Variants in KANSL3 observed in about 807,000 individuals in gnomAD.
KANSL3 encodes NSL complex protein NSL3.
KANSL3 carries 16 observed loss-of-function variants against 89.2 expected under a neutral mutation model. The ratio of observed to expected loss-of-function variants is 0.18; its 90% CI spans 0.12 to 0.27. KANSL3 has a LOEUF of 0.27. Among genes scored for constraint, KANSL3 ranks in the 10% least tolerant of loss-of-function variants. The pLI is 1.00. For synonymous variants in KANSL3, 385 were observed against 419.7 expected (o/e 0.92, Z 1.01); for missense variants, 879 against 1,110.6 (o/e 0.79, Z 2.96).
chr2:96,628,655 CA>C (rs1050693772), intron 3 of KANSL3: 2 of 147,240 alleles, frequency 1.4e-5, no homozygotes, highest in African/African-American at 2.5e-5. Context: ...GACCCTGTCT[CA>C]AAAAAAAGAA....
chr2:96,619,968 C>G (rs1192156701), intron 3 of KANSL3, among the ~76,000 whole-genome samples: 3 of 152,188 alleles, frequency 2.0e-5, no homozygotes, highest in African/African-American at 7.2e-5. Flanking sequence ...TCACAGCACA[C>G]ACTTGTATTA....
intron 5 of KANSL3, among the ~76,000 whole-genome samples, chr2:96,617,574 G>T (rs1306182394): frequency 6.8e-6 from 1 of 147,798 alleles, no homozygotes; most frequent in South Asian, 2.1e-4. Flanking sequence ...AAAAAAAAAA[G>T]TGTCAAAAAC....
intron 12 of KANSL3, 88 bp downstream of exon 12, chr2:96,609,411 C>T (rs2068516523): frequency 1.6e-6 from 2 of 1,216,002 alleles, no homozygotes; most frequent in Non-Finnish European, 2.4e-6. Flanking sequence ...GGCCTTAGAG[C>T]CAAAGAGACC....
intron 20 of KANSL3, chr2:96,599,751 TAA>T (rs1443996192): frequency 2.1e-6 from 1 of 487,058 alleles, no homozygotes; most frequent in Admixed American, 6.4e-5. Context: ...AAACATTTCA[TAA>T]AAGACATAAA....
chr2:96,630,021 G>A (rs1035453208), intron 3 of KANSL3, among the ~76,000 whole-genome samples: 3 of 152,134 alleles, frequency 2.0e-5, no homozygotes, highest in South Asian at 2.1e-4. Flanking sequence ...AAGAAAATCA[G>A]TAAGTGTTGG....
In KANSL3 at chr2:96,595,582, T is replaced by C; in HGVS notation, c.*29A>G. ...CACCATGAGGCAGCCATCACCAACT[T>C]GGTAAGGAGGACATATCACACAGCA... is the stretch of plus-strand genomic sequence containing the variant. On this transcript the variant is annotated 3_prime_UTR_variant, in exon 21 of 21. Coordinates refer to ENST00000431828, the MANE Select transcript of KANSL3 (RefSeq NM_001115016.3). 6.2e-7 allele frequency: 1 copy of C among 1,613,226 alleles called. No homozygotes were observed. The highest frequency in any genetic ancestry group is 8.5e-7 in the Non-Finnish European group (1 of 1,179,578).
At chr2:96,603,908 G>A (rs1012475154) in intron 17 of KANSL3, 6 of 180,248 alleles carry the variant, frequency 3.3e-5, no homozygotes, top group African/African-American at 1.4e-4. Context: ...CATGGATTTT[G>A]GTAGTGGTGA....
intron 5 of KANSL3, among the ~76,000 whole-genome samples, chr2:96,615,864 A>G (rs1274836862): frequency 6.6e-6 from 1 of 152,224 alleles, no homozygotes; most frequent in Admixed American, 6.5e-5. Flanking sequence ...CACACAAATA[A>G]TGGTGGGGGA....
rs1314871310 is a variant in KANSL3 at position 96,601,776 on chromosome 2, C to A, written c.2483G>T (p.Gly828Val). 1.3e-6 allele frequency: 2 copies of A among 1,559,962 alleles called. No individual in the cohort carries two copies. Among genetic ancestry groups the A allele is most frequent in the Non-Finnish European group, 1.7e-6 (2 of 1,154,898 alleles). The change falls in exon 20 of 21, where the codon GGC (glycine) becomes GTC (valine). Residue 828 changes from glycine (G) to valine (V), a missense_variant and splice_region_variant. Coordinates refer to ENST00000431828, the MANE Select transcript of KANSL3 (RefSeq NM_001115016.3). ...GLAQISNQAS[G>V]LKVPTTITLT... is the part of the protein sequence containing the mutation. ...AGTAATGGTGGTGGGGACCTTCAAGCCTGAGATAAAGAGAGAGAAGCAGAA... is the reference window on the plus strand; with the variant it reads ...AGTAATGGTGGTGGGGACCTTCAAGACTGAGATAAAGAGAGAGAAGCAGAA...
At chr2:96,636,091 C>T (rs2074207538) in intron 2 of KANSL3, among the ~76,000 whole-genome samples, 1 of 151,670 alleles carries the variant, frequency 6.6e-6, no homozygotes. Flanking sequence ...GAAGCCTCTA[C>T]AAGGGCTCTA....
intron 2 of KANSL3, among the ~76,000 whole-genome samples, chr2:96,631,853 C>A (rs1232031076): frequency 2.0e-5 from 3 of 151,934 alleles, no homozygotes; most frequent in Non-Finnish European, 4.4e-5. Context: ...TCAAGACCAG[C>A]CTGGGCAACA....
chr2:96,604,022 AACATTTACTCACTTGCAGACCAGG>A (rs2067586894), intron 17 of KANSL3: 1 of 438,348 alleles, frequency 2.3e-6, no homozygotes, highest in African/African-American at 2.0e-5. Context: ...TGTAGACTGG[AACATTTACTCACTTGCAGACCAGG>A]ACATTTACTC....
intron 2 of KANSL3, among the ~76,000 whole-genome samples, chr2:96,633,249 G>A (rs1327111775): frequency 2.0e-5 from 3 of 151,032 alleles, no homozygotes; most frequent in Non-Finnish European, 3.0e-5. Context: ...CAGAGACCTC[G>A]GCCCAAAAAA....
chr2:96,599,011 G>T (rs1012863359), intron 20 of KANSL3, among the ~76,000 whole-genome samples: 2 of 151,114 alleles, frequency 1.3e-5, no homozygotes, highest in Non-Finnish European at 2.9e-5. Flanking sequence ...CATGAGAAAG[G>T]AAAAGAATGA....
At chr2:96,635,197 T>A (rs2074077732) in intron 2 of KANSL3, among the ~76,000 whole-genome samples, 1 of 152,178 alleles carries the variant, frequency 6.6e-6, no homozygotes, top group South Asian at 2.1e-4. Flanking sequence ...AAATTGAATC[T>A]CTAGTTTAAG....
Position 96,604,880 on chromosome 2 carries a change from C to G in KANSL3, c.1934-17G>C. 1 of 1,576,904 alleles carries G rather than the reference C, an allele frequency of 6.3e-7. No homozygotes were observed. Among genetic ancestry groups the G allele is most frequent in the Non-Finnish European group, 8.6e-7 (1 of 1,160,618 alleles). On this transcript the variant is annotated splice_polypyrimidine_tract_variant and intron_variant, in intron 15 of 20. Transcript: ENST00000431828. Reference sequence around the variant, plus strand: ...CACCTGCAGCTTCAAAACAGAAAACCCCAAGGCCCCTGGTCAGTCCTATTT... The same window carrying G: ...CACCTGCAGCTTCAAAACAGAAAACGCCAAGGCCCCTGGTCAGTCCTATTT...
At chr2:96,601,236 C>A in intron 20 of KANSL3, 1 of 862,702 alleles carries the variant, frequency 1.2e-6, no homozygotes, top group Non-Finnish European at 1.4e-6. Flanking sequence ...CCCCTGCACT[C>A]CAGCTTGGGC....
chr2:96,617,928 A>G (rs2070486356), intron 5 of KANSL3, among the ~76,000 whole-genome samples: 3 of 150,522 alleles, frequency 2.0e-5, no homozygotes, highest in South Asian at 4.2e-4. Flanking sequence ...AGTTGCAGTG[A>G]GCCGAGATCG....
chr2:96,631,349 G>T lies in KANSL3; in HGVS notation c.349C>A (p.Pro117Thr). ...TCCTCCCAGTCCTCTGGTGGAGGAG[G>T]GGCATCTGCATCAGTCCTGGCAAAG... ...VIFARTDADAPPPPEDWEEHV... is the reference protein window; with the variant it reads ...VIFARTDADATPPPEDWEEHV... The change falls in exon 3 of 21, where the codon CCT (proline) becomes ACT (threonine). Residue 117 changes from proline to threonine, a missense_variant. Physicochemically the swap from Pro to Thr is conservative, Grantham distance 38. Transcript: ENST00000431828. 1.2e-6 allele frequency: 2 copies of T among 1,613,360 alleles called. No individual in the cohort carries two copies. The highest frequency in any genetic ancestry group is 1.7e-6 in the Non-Finnish European group (2 of 1,179,686).
Sources: allele counts gnomAD v4.1 joint callset (sites outside exome capture counted in the v4.1 genomes callset), GRCh38; gene constraint gnomAD v4.1.1; transcripts MANE v1.5; gene names NCBI Gene and HGNC (gene_info 2026-07-23, HGNC 2026-07-21).